NAPEPLD: variants seen among roughly 807,000 people sequenced by gnomAD.
NAPEPLD encodes N-acyl phosphatidylethanolamine phospholipase D.
NAPEPLD carries 23 observed loss-of-function variants against 38.1 expected under a neutral mutation model. The ratio of observed to expected loss-of-function variants is 0.60; its 90% confidence interval spans 0.43 to 0.86. The LOEUF is 0.86. Ranked by LOEUF, NAPEPLD falls within the 40% of genes least tolerant of loss-of-function variation. The pLI is 0.00. For synonymous variants in NAPEPLD, 147 were observed against 162.0 expected (o/e 0.91, Z 0.71); for missense variants, 411 against 476.8 (o/e 0.86, Z 1.28).
intron 2 of NAPEPLD, among the ~76,000 whole-genome samples, chr7:103,123,944 G>C (rs1475215934): frequency 3.3e-5 from 5 of 152,128 alleles, no homozygotes; most frequent in African/African-American, 9.7e-5. Flanking sequence ...ATATACATAT[G>C]TCAAAACTCA....
chr7:103,115,468 T>A (rs1353568408), intron 3 of NAPEPLD: 1 of 249,652 alleles, frequency 4.0e-6, no homozygotes, highest in Non-Finnish European at 7.6e-6. Flanking sequence ...CAAGCAAAAG[T>A]CTTTCTTGTA....
intron 1 of NAPEPLD, among the ~76,000 whole-genome samples, chr7:103,129,921 G>A (rs1808576579): frequency 6.6e-6 from 1 of 152,150 alleles, no homozygotes; most frequent in Non-Finnish European, 1.5e-5. Flanking sequence ...TGCTGACCTT[G>A]TTATTCCTGC....
chr7:103,118,926 T>G (rs1806073895), intron 3 of NAPEPLD, among the ~76,000 whole-genome samples: 1 of 152,204 alleles, frequency 6.6e-6, no homozygotes, highest in African/African-American at 2.4e-5. Flanking sequence ...CCAGATTAAC[T>G]TCAGTGCTGA....
Position 103,149,063 on chromosome 7 carries a change from G to C in NAPEPLD, c.-269C>G. ...ACCCACTCTCAGCCCGCTCCACTTC[G>C]CCGAAGAATTCCAAACCACCCCAGG... On this transcript the variant is annotated 5_prime_UTR_variant, in exon 1 of 5. Coordinates refer to ENST00000465647, the MANE Select transcript of NAPEPLD (RefSeq NM_001122838.3). 1.0e-6 allele frequency: 1 copy of C among 985,454 alleles called. No individual in the cohort carries two copies. The highest frequency in any genetic ancestry group is 1.7e-5 in the African/African-American group (1 of 57,352). 61.0% of individuals were successfully genotyped at this position (985,454 alleles called of 1,614,324 possible).
chr7:103,133,056 A>C (rs555497522), intron 1 of NAPEPLD, among the ~76,000 whole-genome samples: 1 of 152,122 alleles, frequency 6.6e-6, no homozygotes, highest in Non-Finnish European at 1.5e-5. Flanking sequence ...AAAACAAAAA[A>C]ATCTGATACA....
At chr7:103,143,086 A>C (rs1254007575) in intron 1 of NAPEPLD, among the ~76,000 whole-genome samples, 8 of 151,926 alleles carry the variant, frequency 5.3e-5, no homozygotes, top group Non-Finnish European at 7.4e-5. Flanking sequence ...AAAACAAAAA[A>C]ACAAACACAC....
intron 1 of NAPEPLD, among the ~76,000 whole-genome samples, chr7:103,147,735 G>A (rs1447236393): frequency 1.3e-5 from 2 of 152,136 alleles, no homozygotes; most frequent in Non-Finnish European, 2.9e-5. Flanking sequence ...TTGTAACATA[G>A]AATTTCTACA....
In NAPEPLD at chr7:103,120,140, T is replaced by A. The variant is rs776507172; in HGVS notation, c.378A>T (p.Arg126Ser). Residue 126 changes from arginine (R) to serine (S), a missense_variant, in exon 3 of 5, where the codon AGA becomes AGT. Physicochemically the swap from Arg to Ser is moderately radical, Grantham distance 110. Coordinates refer to ENST00000465647, the MANE Select transcript of NAPEPLD (RefSeq NM_001122838.3). ...CCGTGGCATGTCCCAGCCATGTGAC[T>A]CTTAAGCCAGCTTCCCTCACTCCAG... ...EEAGVREAGL[R>S]VTWLGHATVM... 1.2e-6 allele frequency: 2 copies of A among 1,614,092 alleles called. No individual in the cohort carries two copies. Among genetic ancestry groups the A allele is most frequent in the African/African-American group, 1.3e-5 (1 of 74,916 alleles).
chr7:103,148,718 G>T, intron 1 of NAPEPLD, 93 bp downstream of exon 1: 1 of 723,452 alleles, frequency 1.4e-6, no homozygotes, highest in Non-Finnish European at 1.7e-6. Flanking sequence ...TGGATTTTTA[G>T]AAGATAAACA....
chr7:103,149,144 A>G (rs1813223367), upstream of NAPEPLD: 1 of 989,086 alleles, frequency 1.0e-6, no homozygotes, highest in Non-Finnish European at 1.2e-6. Flanking sequence ...CAGAGAGGTC[A>G]CAGAGCACAG....
chr7:103,147,970 C>A (rs941709384), intron 1 of NAPEPLD: 16 of 980,466 alleles, frequency 1.6e-5, no homozygotes, highest in African/African-American at 1.8e-5. Flanking sequence ...CCCTAAATTT[C>A]TTCTTTAACA....
rs1208843365 is a variant in NAPEPLD at position 103,147,309 on chromosome 7, T to C, written c.-17+1502A>G. On this transcript the variant is annotated intron_variant, in intron 1 of 4. Coordinates refer to ENST00000465647, the MANE Select transcript of NAPEPLD (RefSeq NM_001122838.3). ...AAAAGTGCTCTTTAACGATTAATTA[T>C]ACATACAGTTCATTTCCCTAATAAT... is the stretch of plus-strand genomic sequence containing the variant. Among the ~76,000 whole-genome samples the C allele has an allele frequency of 5.3e-5, 8 of 152,356 alleles. No individual in the cohort carries two copies. The South Asian group carries it at 1.2e-3, about 24-fold the overall frequency.
chr7:103,149,609 G>A (rs1362953409), upstream of NAPEPLD: 2 of 679,088 alleles, frequency 2.9e-6, no homozygotes, highest in East Asian at 2.6e-4. Context: ...GTGGGCCGGG[G>A]CGCCGAAGCC....
chr7:103,129,056 G>A (rs1468918675), intron 1 of NAPEPLD, among the ~76,000 whole-genome samples: 2 of 152,012 alleles, frequency 1.3e-5, no homozygotes, highest in Non-Finnish European at 2.9e-5. Flanking sequence ...ACCTCAGGTC[G>A]GGAGTTCGAG....
chr7:103,129,643 G>C (rs1357148985), intron 1 of NAPEPLD, among the ~76,000 whole-genome samples: 1 of 152,126 alleles, frequency 6.6e-6, no homozygotes, highest in Non-Finnish European at 1.5e-5. Context: ...CATTAACTGA[G>C]AGACATTTCA....
chr7:103,111,911 AAAAC>A lies in NAPEPLD; in HGVS notation c.1056+3145_1056+3148del, dbSNP rs368660069. Among the ~76,000 whole-genome samples, 1,146 of 152,338 alleles carry A rather than the reference AAAAC, an allele frequency of 7.5e-3. 11 individuals are homozygous for A. The highest frequency in any genetic ancestry group is 0.018 in the South Asian group (86 of 4,820). ...TACAAAGAACTTAATTTACAAGAAA[AAAAC>A]AAACAACCCCATCAAAAAGTGGGCA... On this transcript the variant is annotated intron_variant, in intron 4 of 4. Coordinates refer to ENST00000465647, the MANE Select transcript of NAPEPLD (RefSeq NM_001122838.3).
chr7:103,149,451 G>A, upstream of NAPEPLD: 1 of 1,260,514 alleles, frequency 7.9e-7, no homozygotes, highest in Non-Finnish European at 1.0e-6. Context: ...AGCAGCTGCA[G>A]GCAGCGCTTC....
At chr7:103,109,410 T>C (rs1353060060) in intron 4 of NAPEPLD, among the ~76,000 whole-genome samples, 5 of 152,136 alleles carry the variant, frequency 3.3e-5, no homozygotes, top group African/African-American at 1.2e-4. Context: ...GCAATCAAAT[T>C]AGAACTCAGG....
rs745726107 is a variant in NAPEPLD, at chr7:103,128,548, T to C, written c.229A>G (p.Ile77Val). The change falls in exon 2 of 5, where the codon ATT becomes GTT. Residue 77 changes from isoleucine (I) to valine (V), a missense_variant. Coordinates refer to ENST00000465647, the MANE Select transcript of NAPEPLD (RefSeq NM_001122838.3). ...ATCAGCCATCTGAGAACATTTGGAA[T>C]AGAGGGGTTTTTCCATGTTGGCCAC... ...NPWPTWKNPSIPNVLRWLIME... is the reference protein window; with the variant it reads ...NPWPTWKNPSVPNVLRWLIME... 1.1e-5 allele frequency: 17 copies of C among 1,614,112 alleles called. No individual in the cohort carries two copies. The highest frequency in any genetic ancestry group is 2.7e-5 in the African/African-American group (2 of 74,948).
Sources: gnomAD v4.1 joint callset for allele counts (sites outside exome capture counted in the v4.1 genomes callset) on GRCh38, gnomAD v4.1.1 for gene constraint, MANE v1.5 for transcripts, NCBI Gene and HGNC (gene_info 2026-07-23, HGNC 2026-07-21) for gene names.